The following GPR149 variants were observed in gnomAD, a reference collection of about 807,000 sequenced individuals.
GPR149 encodes the protein probable G protein-coupled receptor 149.
A neutral mutation model predicts 50.2 loss-of-function variants in GPR149; 50 were observed. The observed-to-expected ratio is 1.00, with a 90% CI of 0.79 to 1.26. GPR149 has a LOEUF of 1.26. GPR149 is among the 50% of genes most tolerant of loss of function. GPR149 has a pLI of 0.00. For missense variants in GPR149, 983 were observed against 895.4 expected (o/e 1.10, Z -1.25); for synonymous variants, 405 against 358.2 (o/e 1.13, Z -1.48).
intron 3 of GPR149, among the ~76,000 whole-genome samples, chr3:154,402,570 A>G (rs1389550614): frequency 4.3e-5 from 3 of 69,572 alleles, no homozygotes; most frequent in Non-Finnish European, 3.4e-5. Context: ...CCATCTTTCT[A>G]AGATGAAAGG....
intron 3 of GPR149, among the ~76,000 whole-genome samples, chr3:154,408,537 G>T (rs1588900): frequency 0.033 from 5,095 of 152,222 alleles, 258 homozygotes; most frequent in African/African-American, 0.12. Context: ...TGGGAGAGGG[G>T]TGAGGCCTGT....
Position 154,418,383 on chromosome 3 carries a change from T to C in GPR149, c.1623+2656A>G, listed in dbSNP as rs563062116. ...ATGCACAGGTATGTTTATTGTGGCA[T>C]TATTCACAATAGCAAAGACTTGGAA... On this transcript the variant is annotated intron_variant, in intron 3 of 3. Transcript: ENST00000389740. Among the ~76,000 whole-genome samples, 836 of 109,932 alleles carry C rather than the reference T, an allele frequency of 7.6e-3. 17 individuals are homozygous for C. Among genetic ancestry groups the C allele is most frequent in the African/African-American group, 0.029 (700 of 23,906 alleles). 72.1% of individuals were successfully genotyped at this position (109,932 alleles called of 152,430 possible).
chr3:154,352,162 C>A, intron 3 of GPR149: 1 of 764,806 alleles, frequency 1.3e-6, no homozygotes, highest in Admixed American at 2.7e-5. Context: ...TTGTGGCCCC[C>A]ACTTCTTGAT....
chr3:154,411,518 T>C (rs1476926645), intron 3 of GPR149, among the ~76,000 whole-genome samples: 1 of 152,050 alleles, frequency 6.6e-6, no homozygotes, highest in Non-Finnish European at 1.5e-5. Flanking sequence ...ATGGGAAATA[T>C]TACAGATGAT....
intron 3 of GPR149, among the ~76,000 whole-genome samples, chr3:154,368,167 T>TC (rs984950131): frequency 7.2e-5 from 11 of 152,164 alleles, no homozygotes; most frequent in African/African-American, 2.2e-4. Flanking sequence ...CGCCAGAGGC[T>TC]CCCCCTGCAA....
intron 3 of GPR149, among the ~76,000 whole-genome samples, chr3:154,365,508 C>T (rs546184265): frequency 6.6e-6 from 1 of 152,254 alleles, no homozygotes; most frequent in Admixed American, 6.5e-5. Context: ...CTTTATATAA[C>T]CAAGCTGAAA....
At chr3:154,370,720 G>A (rs957289830) in intron 3 of GPR149, among the ~76,000 whole-genome samples, 2 of 152,072 alleles carry the variant, frequency 1.3e-5, no homozygotes, top group African/African-American at 4.8e-5. Context: ...CCTGGACACT[G>A]GTGTGGTCTT....
chr3:154,343,476 G>A (rs1209436743), intron 3 of GPR149, among the ~76,000 whole-genome samples: 3 of 152,192 alleles, frequency 2.0e-5, no homozygotes, highest in Non-Finnish European at 4.4e-5. Flanking sequence ...CTGAGTGTGT[G>A]TTGCTGATGC....
intron 3 of GPR149, among the ~76,000 whole-genome samples, chr3:154,389,941 C>T (rs904304396): frequency 2.9e-4 from 44 of 152,320 alleles, no homozygotes; most frequent in African/African-American, 1.1e-3. Flanking sequence ...TTGGACCATA[C>T]TTCCAAAACT....
At chr3:154,427,373 G>T in intron 2 of GPR149, 143 bp downstream of exon 2, 2 of 630,638 alleles carry the variant, frequency 3.2e-6, no homozygotes, top group East Asian at 2.9e-5. Context: ...ATTGTTTCAT[G>T]TTATAATTTC....
intron 3 of GPR149, among the ~76,000 whole-genome samples, chr3:154,356,773 T>C (rs1714239493): frequency 6.6e-6 from 1 of 152,044 alleles, no homozygotes; most frequent in South Asian, 2.1e-4. Context: ...AATTTATAGA[T>C]TCAATGCCAT....
At chr3:154,340,711 A>G (rs1252174506) in intron 3 of GPR149, among the ~76,000 whole-genome samples, 1 of 152,150 alleles carries the variant, frequency 6.6e-6, no homozygotes, top group African/African-American at 2.4e-5. Flanking sequence ...AAAAATCAAG[A>G]AAAGATTTAG....
Position 154,334,999 on chromosome 3 carries a change from C to T in GPR149, c.*2700G>A, listed in dbSNP as rs1391441144. The T allele has an allele frequency of 1.3e-5, 2 of 152,060 alleles. No homozygotes were observed. The highest frequency in any genetic ancestry group is 2.9e-5 in the Non-Finnish European group (2 of 68,000). The allele number at this position is 152,060 out of a possible 1,614,324, so 9.4% of individuals were successfully genotyped here. A position where few individuals can be genotyped will look rare whatever the true frequency, so the allele number is the denominator to read the frequency against. ...TAAGTAATATTGTGCCATTTGCTATCTTCAAAGAGTTGCCTCTGTCAGTCA... is the reference window on the plus strand; with the variant it reads ...TAAGTAATATTGTGCCATTTGCTATTTTCAAAGAGTTGCCTCTGTCAGTCA... On this transcript the variant is annotated 3_prime_UTR_variant, in exon 4 of 4. Coordinates refer to ENST00000389740, the MANE Select transcript of GPR149 (RefSeq NM_001038705.3).
At chr3:154,405,608 T>C (rs76474363) in intron 3 of GPR149, among the ~76,000 whole-genome samples, 6,125 of 97,936 alleles carry the variant, frequency 0.063, 525 homozygotes, top group African/African-American at 0.2. Context: ...AAAAAAAAAG[T>C]AGAAAGCCTA....
chr3:154,386,139 T>C (rs1258265761), intron 3 of GPR149, among the ~76,000 whole-genome samples: 1 of 152,244 alleles, frequency 6.6e-6, no homozygotes, highest in African/African-American at 2.4e-5. Context: ...TTTTATCTTG[T>C]TTTACCTTAA....
intron 3 of GPR149, among the ~76,000 whole-genome samples, chr3:154,358,148 G>T (rs1015925108): frequency 1.6e-4 from 24 of 152,026 alleles, no homozygotes; most frequent in Admixed American, 6.6e-5. Context: ...TGTGGGGTGG[G>T]GGGTGTGGGG....
At chr3:154,358,164 T>A (rs1714287035) in intron 3 of GPR149, among the ~76,000 whole-genome samples, 1 of 151,970 alleles carries the variant, frequency 6.6e-6, no homozygotes, top group South Asian at 2.1e-4. Context: ...TGGGGAGGGA[T>A]AGCATTAGGA....
intron 3 of GPR149, among the ~76,000 whole-genome samples, chr3:154,365,294 C>T (rs1714503709): frequency 6.6e-6 from 1 of 152,146 alleles, no homozygotes; most frequent in South Asian, 2.1e-4. Context: ...CTGGGCCCCT[C>T]CTTTGAAACT....
chr3:154,409,758 A>G (rs975171144), intron 3 of GPR149, among the ~76,000 whole-genome samples: 6 of 152,132 alleles, frequency 3.9e-5, no homozygotes, highest in African/African-American at 1.4e-4. Flanking sequence ...CTAAGAACAA[A>G]TCGTGTTCCT....
Sources: allele counts gnomAD v4.1 joint callset (sites outside exome capture counted in the v4.1 genomes callset), GRCh38; gene constraint gnomAD v4.1.1; transcripts MANE v1.5; gene names NCBI Gene and HGNC (gene_info 2026-07-23, HGNC 2026-07-21).